TLCD4: variants seen among roughly 807,000 people sequenced by gnomAD.
The protein encoded by TLCD4 is TLC domain-containing protein 4.
In TLCD4, 7 loss-of-function variants were observed where a neutral mutation model predicts 24.2. The ratio of observed to expected loss-of-function variants is 0.29; its 90% CI spans 0.16 to 0.54. TLCD4 has a LOEUF of 0.54. Among genes scored for constraint, TLCD4 ranks in the 20% least tolerant of loss-of-function variants. The probability of loss-of-function intolerance (pLI) is 0.95; values close to 1 mark genes in which losing one functional copy is unlikely to be tolerated. For missense variants in TLCD4, 259 were observed against 313.9 expected (o/e 0.82, Z 1.32); for synonymous variants, 103 against 106.4 (o/e 0.97, Z 0.20).
At chr1:95,126,994 GACTGCATGTACTA>G in intron 1 of TLCD4, among the ~76,000 whole-genome samples, 1 of 152,316 alleles carries the variant, frequency 6.6e-6, no homozygotes, top group South Asian at 2.1e-4. Flanking sequence ...TACCACAGGT[GACTGCATGTACTA>G]GGAACTGTGC....
At chr1:95,159,135 G>A (rs1213822486) in intron 5 of TLCD4, among the ~76,000 whole-genome samples, 1 of 152,164 alleles carries the variant, frequency 6.6e-6, no homozygotes. Flanking sequence ...TGGTGTAAAA[G>A]TGTACCTATT....
At chr1:95,156,228 C>T (rs530504490) in intron 5 of TLCD4, among the ~76,000 whole-genome samples, 93 of 152,100 alleles carry the variant, frequency 6.1e-4, no homozygotes, top group African/African-American at 2.1e-3. Flanking sequence ...GGATTTAAAC[C>T]CAGCCTTCAA....
chr1:95,146,008 T>A (rs1187403808), intron 2 of TLCD4, among the ~76,000 whole-genome samples: 1 of 152,166 alleles, frequency 6.6e-6, no homozygotes, highest in East Asian at 1.9e-4. Flanking sequence ...GAGTGCAAAG[T>A]AGGACAAGGA....
chr1:95,161,657 C>G (rs570630433), intron 5 of TLCD4, among the ~76,000 whole-genome samples: 1 of 152,196 alleles, frequency 6.6e-6, no homozygotes, highest in East Asian at 1.9e-4. Context: ...AAATTTCCCT[C>G]TACACCCTGC....
At chr1:95,128,582 G>A (rs1676804961) in intron 1 of TLCD4, among the ~76,000 whole-genome samples, 1 of 152,196 alleles carries the variant, frequency 6.6e-6, no homozygotes, top group Non-Finnish European at 1.5e-5. Context: ...AATTTTCAGG[G>A]AGGGGTTAAA....
intron 5 of TLCD4, 126 bp from the exon 6 acceptor site, chr1:95,173,690 A>C (rs1448482845): frequency 8.3e-7 from 1 of 1,211,488 alleles, no homozygotes; most frequent in Non-Finnish European, 1.1e-6. Flanking sequence ...AAAGGTAGAA[A>C]ACTTCTTGAT....
intron 5 of TLCD4, among the ~76,000 whole-genome samples, chr1:95,156,272 G>A (rs1344000820): frequency 6.6e-6 from 1 of 152,144 alleles, no homozygotes; most frequent in Non-Finnish European, 1.5e-5. Flanking sequence ...AAAAAAGTAG[G>A]GAAGGCTTTC....
intron 5 of TLCD4, among the ~76,000 whole-genome samples, chr1:95,170,320 A>G (rs1337104493): frequency 6.8e-6 from 1 of 147,544 alleles, no homozygotes; most frequent in Non-Finnish European, 1.5e-5. Flanking sequence ...TTATAATAAT[A>G]CAAATCATTC....
chr1:95,097,224 T>C, the TLCD4 span, among the ~76,000 whole-genome samples: 1 of 152,232 alleles, frequency 6.6e-6, no homozygotes, highest in Non-Finnish European at 1.5e-5. Flanking sequence ...TATGCTAAAA[T>C]TCAAATTATT....
chr1:95,099,198 C>T, the TLCD4 span, among the ~76,000 whole-genome samples: 5 of 151,968 alleles, frequency 3.3e-5, no homozygotes, highest in Admixed American at 2.0e-4. Flanking sequence ...GAGGGTGAGG[C>T]GGGCAAATCA....
chr1:95,161,129 C>T (rs974931905), intron 5 of TLCD4, among the ~76,000 whole-genome samples: 3 of 152,100 alleles, frequency 2.0e-5, no homozygotes, highest in African/African-American at 7.2e-5. Context: ...GATCCGTCTG[C>T]TCCTGGACTT....
the TLCD4 span, among the ~76,000 whole-genome samples, chr1:95,105,088 T>C: frequency 6.6e-6 from 1 of 152,292 alleles, no homozygotes; most frequent in South Asian, 2.1e-4. Context: ...TATTCAGTAC[T>C]TTATTATAAA....
Position 95,196,923 on chromosome 1 carries a change from C to T in TLCD4, c.*5055C>T, listed in dbSNP as rs1206013301. 6.6e-6 allele frequency: 1 copy of T among 151,900 alleles called. No individual in the cohort carries two copies. The highest frequency in any genetic ancestry group is 2.4e-5 in the African/African-American group (1 of 41,350). The allele number at this position is 151,900 out of a possible 1,614,324, so 9.4% of individuals were successfully genotyped here. A position where few individuals can be genotyped will look rare whatever the true frequency, so the allele number is the denominator to read the frequency against. On this transcript the variant is annotated 3_prime_UTR_variant, in exon 7 of 7. Transcript: ENST00000370203. ...AGGAATTTTGTGTAGATAATACTCT[C>T]ACTAACTTGTAAATAGGATAAGTTA... is the stretch of plus-strand genomic sequence containing the variant.
chr1:95,116,170 T>C (rs1324344432), upstream of TLCD4, among the ~76,000 whole-genome samples: 1 of 152,162 alleles, frequency 6.6e-6, no homozygotes, highest in African/African-American at 2.4e-5. Context: ...GGTATAGATT[T>C]TGTCTTTTCC....
Position 95,117,410 on chromosome 1 carries a change from C to T in TLCD4, c.-219C>T, listed in dbSNP as rs980141197. 6 of 152,120 alleles carry T rather than the reference C, an allele frequency of 3.9e-5. No individual in the cohort carries two copies. Among genetic ancestry groups the T allele is most frequent in the Admixed American group, 1.3e-4 (2 of 15,280 alleles). The allele number at this position is 152,120 out of a possible 1,614,324, so 9.4% of individuals were successfully genotyped here. On this transcript the variant is annotated 5_prime_UTR_variant, in exon 1 of 7. Transcript: ENST00000370203. Reference sequence around the variant, plus strand: ...CAGTCCGGGCGGGCGCGACGGCCGCCGCGGTAGCTGGAGCCTCCGCGACTG... The same window carrying T: ...CAGTCCGGGCGGGCGCGACGGCCGCTGCGGTAGCTGGAGCCTCCGCGACTG...
chr1:95,150,192 CTTT>C lies in TLCD4; in HGVS notation c.246-6_246-4del, dbSNP rs78715623. On this transcript the variant is annotated splice_polypyrimidine_tract_variant and intron_variant, in intron 3 of 6. Coordinates refer to ENST00000370203, the MANE Select transcript of TLCD4 (RefSeq NM_152487.3). ...CAATCTATATACTTTAAAAAGGAAC[CTTT>C]TTTTTTTTTCAGGGGTGGTCCATCA... 1.1e-5 allele frequency: 14 copies of C among 1,313,686 alleles called. No individual in the cohort carries two copies. Among genetic ancestry groups the C allele is most frequent in the South Asian group, 2.7e-5 (2 of 74,540 alleles). The allele number at this position is 1,313,686 out of a possible 1,614,324, so 81.4% of individuals were successfully genotyped here.
intron 1 of TLCD4, among the ~76,000 whole-genome samples, chr1:95,120,555 C>G (rs561382705): frequency 2.0e-5 from 3 of 152,330 alleles, no homozygotes; most frequent in East Asian, 1.9e-4. Context: ...AGCTTCTGAA[C>G]TGGTGTAAAA....
At position 95,128,090 on chromosome 1, in the gene TLCD4, C is replaced by T. The variant is rs922362145; in HGVS notation, c.-12+10473C>T. Among the ~76,000 whole-genome samples the T allele has an allele frequency of 2.0e-5, 3 of 152,148 alleles. No individual in the cohort carries two copies. The East Asian group carries it at 5.8e-4, about 29-fold the overall frequency. ...CTTTCTAGCCTGGGCGAAAGAGTAACACCGAAAAAAGTTTTCGGTGGAGTG... is the reference window on the plus strand; with the variant it reads ...CTTTCTAGCCTGGGCGAAAGAGTAATACCGAAAAAAGTTTTCGGTGGAGTG... On this transcript the variant is annotated intron_variant, in intron 1 of 6. Coordinates refer to ENST00000370203, the MANE Select transcript of TLCD4 (RefSeq NM_152487.3).
At chr1:95,156,421 C>T (rs1677637182) in intron 5 of TLCD4, among the ~76,000 whole-genome samples, 1 of 149,796 alleles carries the variant, frequency 6.7e-6, no homozygotes, top group African/African-American at 2.4e-5. Context: ...TAAGATAGGG[C>T]CAGCTGATAG....
Sources: allele counts gnomAD v4.1 joint callset (sites outside exome capture counted in the v4.1 genomes callset), GRCh38; gene constraint gnomAD v4.1.1; transcripts MANE v1.5; gene names NCBI Gene and HGNC (gene_info 2026-07-23, HGNC 2026-07-21).